The following VWDE variants were observed in gnomAD, a reference collection of about 807,000 sequenced individuals.
VWDE encodes von Willebrand factor D and EGF domain-containing protein.
Under a neutral mutation model 178.4 loss-of-function variants are expected in VWDE, and 207 were observed. The ratio of observed to expected loss-of-function variants is 1.16; its 90% confidence interval spans 1.04 to 1.30. The LOEUF (loss-of-function observed/expected upper bound fraction) is 1.30, where lower values mean the gene tolerates loss of function less well. Among genes scored for constraint, VWDE ranks in the 50% most tolerant of loss-of-function variants. VWDE has a pLI of 0.00. For missense variants in VWDE, 2,287 were observed against 1,901.3 expected (o/e 1.20, Z -3.77); for synonymous variants, 738 against 651.4 (o/e 1.13, Z -2.02).
intron 27 of VWDE, among the ~76,000 whole-genome samples, chr7:12,334,754 A>C (rs933378438): frequency 6.6e-6 from 1 of 152,230 alleles, no homozygotes; most frequent in African/African-American, 2.4e-5. Context: ...CTCAATCTGC[A>C]ACCACTGAAG....
At chr7:12,394,971 G>A (rs749459453) in intron 1 of VWDE, among the ~76,000 whole-genome samples, 25 of 152,170 alleles carry the variant, frequency 1.6e-4, no homozygotes, top group African/African-American at 4.1e-4. Flanking sequence ...TGTAGCCTAC[G>A]AAAAATAAGT....
At chr7:12,384,947 T>C (rs1000915490) in intron 3 of VWDE, among the ~76,000 whole-genome samples, 1 of 152,048 alleles carries the variant, frequency 6.6e-6, no homozygotes, top group Non-Finnish European at 1.5e-5. Context: ...CTTTAATTGA[T>C]ATGATGCTAC....
At chr7:12,333,911 A>T (rs1780871217) in intron 27 of VWDE, among the ~76,000 whole-genome samples, 1 of 152,262 alleles carries the variant, frequency 6.6e-6, no homozygotes, top group Non-Finnish European at 1.5e-5. Flanking sequence ...TAGCATCTAT[A>T]ATTTACTTTT....
rs1482955728 is a variant in VWDE, at chr7:12,369,611, G to T, written c.2695C>A (p.Gln899Lys). 3 of 1,551,254 alleles carry T rather than the reference G, an allele frequency of 1.9e-6. No homozygotes were observed. The highest frequency in any genetic ancestry group is 2.6e-6 in the Non-Finnish European group (3 of 1,146,766). Residue 899 changes from glutamine to lysine, a missense_variant, in exon 12 of 29, where the codon CAG (glutamine) becomes AAG (lysine). Transcript: ENST00000275358. Reference sequence around the variant, plus strand: ...CACGCACACCCCCATTCCATGCACTGCCCATTGCCGCTGCATAAATTGGGG... The same window carrying T: ...CACGCACACCCCCATTCCATGCACTTCCCATTGCCGCTGCATAAATTGGGG... The part of the protein sequence containing the change: ...KCPNLCSGNG[Q>K]CMEWGCACSP...
intron 26 of VWDE, 61 bp from the exon 27 acceptor site, chr7:12,336,297 C>T (rs1781026979): frequency 8.8e-6 from 12 of 1,370,584 alleles, no homozygotes; most frequent in African/African-American, 1.5e-5. Flanking sequence ...CTATCCATAA[C>T]CCACAAAACT....
intron 1 of VWDE, among the ~76,000 whole-genome samples, chr7:12,400,366 G>C (rs1402234296): frequency 1.3e-5 from 2 of 152,028 alleles, no homozygotes; most frequent in African/African-American, 4.8e-5. Flanking sequence ...CAAATGACAA[G>C]AAGCAGGAAT....
At chr7:12,383,669 G>T in intron 3 of VWDE, 68 bp from the exon 4 acceptor site, 1 of 1,280,302 alleles carries the variant, frequency 7.8e-7, no homozygotes, top group Non-Finnish European at 1.1e-6. Flanking sequence ...ATATATCCAA[G>T]ATGACAATTT....
At chr7:12,403,614 GCGGCGC>G in intron 1 of VWDE, 39 bp downstream of exon 1, 1 of 1,519,294 alleles carries the variant, frequency 6.6e-7, no homozygotes, top group Non-Finnish European at 8.8e-7. Context: ...TACCGCCCAC[GCGGCGC>G]CACTGCGCGC....
intron 16 of VWDE, 115 bp downstream of exon 16, chr7:12,359,463 G>T (rs1025028702): frequency 6.3e-6 from 4 of 633,262 alleles, no homozygotes; most frequent in Non-Finnish European, 8.2e-6. Flanking sequence ...TAGGAGAGAT[G>T]CTAAATTAAA....
In VWDE at chr7:12,395,065, T is replaced by C. The variant is rs111229140; in HGVS notation, c.59-1287A>G. Among the ~76,000 whole-genome samples the C allele has an allele frequency of 1.8e-3, 270 of 152,240 alleles. 1 individual carries two copies. The highest frequency in any genetic ancestry group is 6.1e-3 in the African/African-American group (255 of 41,564). ...CTATACAAAGATATTATTTTCCAAA[T>C]GATCTCTCTACAGAATTTTTTTTAG... On this transcript the variant is annotated intron_variant, in intron 1 of 28. Coordinates refer to ENST00000275358, the MANE Select transcript of VWDE (RefSeq NM_001135924.3).
At chr7:12,333,332 AT>A (rs1416295842) in intron 28 of VWDE, 132 bp downstream of exon 28, 1 of 625,452 alleles carries the variant, frequency 1.6e-6, no homozygotes, top group Non-Finnish European at 2.7e-6. Context: ...ACAATTTTTA[AT>A]TTTAGAGGCA....
intron 18 of VWDE, 26 bp downstream of exon 18, chr7:12,356,085 A>G: frequency 6.5e-7 from 1 of 1,539,250 alleles, no homozygotes; most frequent in Non-Finnish European, 8.8e-7. Context: ...TTTCTTTCTA[A>G]TTTGTTATGA....
chr7:12,373,131 T>G lies in VWDE; in HGVS notation c.1433A>C (p.Asn478Thr), dbSNP rs1421728219. 4 of 1,551,366 alleles carry G rather than the reference T, an allele frequency of 2.6e-6. 1 individual carries two copies. The South Asian group carries it at 4.8e-5, about 18-fold the overall frequency. ...TCCTTCCTGGGCAACAAACCCACAA[T>G]TACATGACACTGGATAGTGAAGGCT... Reference protein sequence around the residue: ...CRSLHYPVSCNCGFVAQEGGD... With the variant: ...CRSLHYPVSCTCGFVAQEGGD... The change falls in exon 10 of 29, where the codon AAT becomes ACT. Residue 478 changes from asparagine (N) to threonine (T), a missense_variant. Asn to Thr is a moderately conservative substitution (Grantham distance 65). Transcript: ENST00000275358.
intron 1 of VWDE, among the ~76,000 whole-genome samples, chr7:12,397,737 G>T (rs1784694790): frequency 6.6e-6 from 1 of 151,956 alleles, no homozygotes; most frequent in African/African-American, 2.4e-5. Context: ...CAACCCCATT[G>T]AAAAGTGGGC....
chr7:12,332,345 C>G (rs890992804), intron 28 of VWDE, among the ~76,000 whole-genome samples: 1 of 151,946 alleles, frequency 6.6e-6, no homozygotes, highest in African/African-American at 2.4e-5. Flanking sequence ...ATTTTTTCCC[C>G]TTAGTGTGAT....
chr7:12,379,508 A>AT lies in VWDE; in HGVS notation c.847dup (p.Ile283AsnfsTer11). 1 of 1,550,262 alleles carries AT rather than the reference A, an allele frequency of 6.5e-7. No individual in the cohort carries two copies. The highest frequency in any genetic ancestry group is 1.2e-5 in the South Asian group (1 of 83,890). On this transcript the variant is annotated frameshift_variant, in exon 6 of 29. Coordinates refer to ENST00000275358, the MANE Select transcript of VWDE (RefSeq NM_001135924.3). LOFTEE classifies it high-confidence loss of function. ...GCCTGCAAAAAATTCTTGGCTTTCG[A>AT]TGGCTACACTTTGTACATGAGGATT...
chr7:12,332,493 G>C (rs1387659221), intron 28 of VWDE, among the ~76,000 whole-genome samples: 3 of 152,038 alleles, frequency 2.0e-5, no homozygotes, highest in Non-Finnish European at 4.4e-5. Context: ...TGTCAAAGTG[G>C]AGTTAAAAAG....
intron 4 of VWDE, among the ~76,000 whole-genome samples, chr7:12,383,269 G>A (rs1783942631): frequency 6.6e-6 from 1 of 152,056 alleles, no homozygotes; most frequent in Admixed American, 6.6e-5. Flanking sequence ...CACACATGGA[G>A]TTTTAAGAAT....
chr7:12,344,272 C>A lies in VWDE; in HGVS notation c.4001G>T (p.Cys1334Phe). 6.4e-7 allele frequency: 1 copy of A among 1,550,938 alleles called. No homozygotes were observed. The highest frequency in any genetic ancestry group is 8.7e-7 in the Non-Finnish European group (1 of 1,146,530). Residue 1334 changes from cysteine (C) to phenylalanine (F), a missense_variant, in exon 21 of 29, where the codon TGC becomes TTC. By Grantham distance (205) the Cys-to-Phe change is radical. Coordinates refer to ENST00000275358, the MANE Select transcript of VWDE (RefSeq NM_001135924.3). ...NCQTALCDPD[C>F]KNHGKCIKPN... is the part of the protein sequence containing the mutation. ...CTTAATACATTTTCCATGGTTTTTG[C>A]AATCAGGGTCACAAAGAGCTGTATA...
Sources: gnomAD v4.1 joint callset for allele counts (sites outside exome capture counted in the v4.1 genomes callset) on GRCh38, gnomAD v4.1.1 for gene constraint, MANE v1.5 for transcripts, NCBI Gene and HGNC (gene_info 2026-07-23, HGNC 2026-07-21) for gene names.